Variants in FGFR1 observed in about 807,000 individuals in gnomAD.
FGFR1 encodes the protein FGFR1/PLAG1 fusion.
A neutral mutation model predicts 93.7 loss-of-function variants in FGFR1; 18 were observed. The ratio of observed to expected loss-of-function variants is 0.19; its 90% CI spans 0.13 to 0.28. FGFR1 has a LOEUF of 0.28. FGFR1 is among the 10% of genes least tolerant of loss of function. The pLI, the probability that FGFR1 is intolerant of heterozygous loss-of-function variation, is 1.00. For synonymous variants in FGFR1, 448 were observed against 429.3 expected, an observed-to-expected ratio of 1.04 and a Z score of -0.54; for missense variants, 731 against 1,080.4, an observed-to-expected ratio of 0.68 and a Z score of 4.53.
intron 2 of FGFR1, among the ~76,000 whole-genome samples, chr8:38,440,902 C>T (rs1000953172): frequency 6.6e-6 from 1 of 152,196 alleles, no homozygotes; most frequent in African/African-American, 2.4e-5. Flanking sequence ...TGACAGGAAG[C>T]CATGGCCATT....
intron 2 of FGFR1, among the ~76,000 whole-genome samples, chr8:38,441,763 A>G (rs918373752): frequency 6.6e-6 from 1 of 152,216 alleles, no homozygotes; most frequent in African/African-American, 2.4e-5. Flanking sequence ...CAGGGAAGGA[A>G]GCCAAGGACA....
intron 1 of FGFR1, among the ~76,000 whole-genome samples, chr8:38,461,422 T>A (rs986889937): frequency 2.2e-4 from 34 of 152,158 alleles, no homozygotes; most frequent in African/African-American, 8.0e-4. Flanking sequence ...ACAACCTCCA[T>A]CCCCCAGACT....
intron 2 of FGFR1, among the ~76,000 whole-genome samples, chr8:38,442,535 G>T (rs532346550): frequency 5.3e-5 from 8 of 152,190 alleles, no homozygotes; most frequent in Admixed American, 3.9e-4. Context: ...CATTAAGAGT[G>T]GGGGAGGGTG....
At position 38,413,309 on chromosome 8, in the gene FGFR1, C is replaced by T. The variant is rs1814996366; in HGVS notation, c.*319G>A. ...GCTCAGGAAGCTCTCACTTGCATGC[C>T]TGTTCATTGGCTCCCACTCCCTGCC... On this transcript the variant is annotated 3_prime_UTR_variant, in exon 18 of 18. Transcript: ENST00000447712. This position sits in a 1 kb window ranked among gnomAD's most constrained non-coding sequence, Gnocchi z 4.2. The T allele has an allele frequency of 2.2e-6, 1 of 449,924 alleles. No homozygotes were observed. Among genetic ancestry groups the T allele is most frequent in the Non-Finnish European group, 4.0e-6 (1 of 250,244 alleles). The allele number at this position is 449,924 out of a possible 1,614,324, so 27.9% of individuals were successfully genotyped here.
At chr8:38,465,868 G>A (rs906734864) in intron 1 of FGFR1, 19 of 223,436 alleles carry the variant, frequency 8.5e-5, no homozygotes, top group East Asian at 5.2e-4. Flanking sequence ...CAAAGGGTAG[G>A]GCACATCTGC....
Position 38,417,369 on chromosome 8 carries a change from T to C in FGFR1, c.1600A>G (p.Met534Val), listed in dbSNP as rs530348127. Residue 534 changes from methionine (M) to valine (V), a missense_variant, in exon 12 of 18, where the codon ATG becomes GTG. Met to Val is a conservative substitution (Grantham distance 21). Around this residue, in one of 10 missense-constraint regions of FGFR1, gnomAD observed 62 missense variants for 99.5 expected, o/e 0.62. Coordinates refer to ENST00000447712, the MANE Select transcript of FGFR1 (RefSeq NM_023110.3). ...TTATGCTTCCCGATCATCTTCATCA[T>C]CTCCATTTCTGAGATCAGGTCTGAC... ...DLSDLISEME[M>V]MKMIGKHKNI... The C allele has an allele frequency of 5.6e-6, 9 of 1,614,062 alleles. No homozygotes were observed. In the East Asian group the frequency reaches 1.8e-4, roughly 32 times the overall value.
At chr8:38,439,865 T>C (rs954780869) in intron 2 of FGFR1, among the ~76,000 whole-genome samples, 9 of 152,174 alleles carry the variant, frequency 5.9e-5, no homozygotes, top group African/African-American at 2.2e-4. Context: ...TGCCTGTGTC[T>C]TGCACTTACT....
In FGFR1 at chr8:38,426,014, A is replaced by G; in HGVS notation, c.745+108T>C. The G allele has an allele frequency of 1.3e-6, 2 of 1,489,948 alleles. No homozygotes were observed. The highest frequency in any genetic ancestry group is 9.3e-7 in the Non-Finnish European group (1 of 1,073,654). The allele number at this position is 1,489,948 out of a possible 1,614,324, so 92.3% of individuals were successfully genotyped here. On this transcript the variant is annotated intron_variant, in intron 6 of 17. Coordinates refer to ENST00000447712, the MANE Select transcript of FGFR1 (RefSeq NM_023110.3). This position sits in a 1 kb window ranked among gnomAD's most constrained non-coding sequence, Gnocchi z 4.1. ...CAAGGTGACAAAGCCAAGAAGTGCCAATCGCTATCCTGACTCTGCCCCTAA... is the reference window on the plus strand; with the variant it reads ...CAAGGTGACAAAGCCAAGAAGTGCCGATCGCTATCCTGACTCTGCCCCTAA...
rs1814995442 is a variant in FGFR1 at position 38,413,308 on chromosome 8, C to A, written c.*320G>T. 1.1e-5 allele frequency: 5 copies of A among 447,648 alleles called. No homozygotes were observed. The highest frequency in any genetic ancestry group is 9.8e-5 in the African/African-American group (5 of 51,242). 27.7% of individuals were successfully genotyped at this position (447,648 alleles called of 1,614,324 possible). A position where few individuals can be genotyped will look rare whatever the true frequency, so the allele number is the denominator to read the frequency against. ...AGCTCAGGAAGCTCTCACTTGCATG[C>A]CTGTTCATTGGCTCCCACTCCCTGC... On this transcript the variant is annotated 3_prime_UTR_variant, in exon 18 of 18. Coordinates refer to ENST00000447712, the MANE Select transcript of FGFR1 (RefSeq NM_023110.3). The surrounding 1 kb of genome is among the most constrained non-coding windows in gnomAD (Gnocchi z 4.2).
At chr8:38,422,322 A>G (rs1348479735) in intron 7 of FGFR1, 2 of 448,506 alleles carry the variant, frequency 4.5e-6, no homozygotes, top group East Asian at 3.9e-5. Context: ...CGGGGGCTGC[A>G]GACACACACA....
In FGFR1 at chr8:38,412,554, G is replaced by C. The variant is rs1563419321; in HGVS notation, c.*1074C>G. 4.3e-6 allele frequency: 1 copy of C among 233,310 alleles called. No homozygotes were observed. The highest frequency in any genetic ancestry group is 8.5e-6 in the Non-Finnish European group (1 of 118,028). 14.5% of individuals were successfully genotyped at this position (233,310 alleles called of 1,614,324 possible). ...TTCTTTTTCTGACTTTCCAAAAGCA[G>C]CGGAGAGGCAGGAGGTGCGTCGTGA... On this transcript the variant is annotated 3_prime_UTR_variant, in exon 18 of 18. Coordinates refer to ENST00000447712, the MANE Select transcript of FGFR1 (RefSeq NM_023110.3).
intron 12 of FGFR1, 43 bp from the exon 13 acceptor site, chr8:38,416,103 A>G: frequency 6.4e-7 from 1 of 1,570,430 alleles, no homozygotes; most frequent in Non-Finnish European, 8.6e-7. Context: ...GCAGCAGGTG[A>G]GCAGGTTTGG....
chr8:38,423,190 C>T (rs552685985), intron 7 of FGFR1: 102 of 778,230 alleles, frequency 1.3e-4, no homozygotes, highest in Admixed American at 7.1e-4. Flanking sequence ...AACAAACCAA[C>T]GACACACCAG....
At chr8:38,423,280 T>C (rs902166026) in intron 7 of FGFR1, 3 of 679,854 alleles carry the variant, frequency 4.4e-6, no homozygotes, top group South Asian at 3.2e-5. Flanking sequence ...CGAAGGGAGA[T>C]GTTAAGTGAG....
At chr8:38,461,971 C>T (rs1358192401) in intron 1 of FGFR1, among the ~76,000 whole-genome samples, 1 of 152,208 alleles carries the variant, frequency 6.6e-6, no homozygotes, top group African/African-American at 2.4e-5. Context: ...ATTTCTCACT[C>T]TCCATCTTCA....
intron 1 of FGFR1, among the ~76,000 whole-genome samples, chr8:38,459,496 G>A (rs780426827): frequency 2.6e-5 from 4 of 152,050 alleles, no homozygotes; most frequent in Admixed American, 6.6e-5. Flanking sequence ...CTACTTTTAC[G>A]AAAGGAATCA....
At chr8:38,421,753 C>T (rs141875958) in intron 8 of FGFR1, 44 bp downstream of exon 8, 37 of 1,609,944 alleles carry the variant, frequency 2.3e-5, no homozygotes, top group African/African-American at 4.0e-5. Flanking sequence ...CCCCCGTGCC[C>T]GTGGCGAGGG....
At position 38,426,964 on chromosome 8, in the gene FGFR1, T is replaced by C. The variant is rs912065757; in HGVS notation, c.622-719A>G. ...CCCGTCTCTACTAAAAATACAAAAA[T>C]TAGCTGGGAATGGTGGCTGCACATC... On this transcript the variant is annotated intron_variant, in intron 5 of 17. Coordinates refer to ENST00000447712, the MANE Select transcript of FGFR1 (RefSeq NM_023110.3). The surrounding 1 kb of genome is among the most constrained non-coding windows in gnomAD (Gnocchi z 4.1). Among the ~76,000 whole-genome samples, 4 of 151,874 alleles carry C rather than the reference T, an allele frequency of 2.6e-5. No individual in the cohort carries two copies. The highest frequency in any genetic ancestry group is 9.7e-5 in the African/African-American group (4 of 41,306).
intron 2 of FGFR1, among the ~76,000 whole-genome samples, chr8:38,451,188 T>C (rs1229399037): frequency 1.3e-5 from 2 of 152,040 alleles, no homozygotes; most frequent in African/African-American, 4.8e-5. Context: ...CCTCTTACCA[T>C]CCAGGTTGAA....
Sources: allele counts gnomAD v4.1 joint callset (sites outside exome capture counted in the v4.1 genomes callset), GRCh38; gene constraint gnomAD v4.1.1; regional missense constraint gnomAD v4.1.1; non-coding constraint Gnocchi (gnomAD v3.1); transcripts MANE v1.5; gene names NCBI Gene and HGNC (gene_info 2026-07-23, HGNC 2026-07-21).